VCF1: variants seen among roughly 807,000 people sequenced by gnomAD.
VCF1 encodes the protein VCP nuclear cofactor family member 1, also known as protein VCF1.
the VCF1 span, chr17:73,208,291 C>CTT: frequency 6.2e-7 from 1 of 1,612,646 alleles, no homozygotes; most frequent in Non-Finnish European, 8.5e-7. Context: ...CTCTAAGGCA[C>CTT]TTTTCTCTAC....
chr17:73,209,162 G>T, the VCF1 span: 1 of 227,336 alleles, frequency 4.4e-6, no homozygotes, highest in Non-Finnish European at 8.6e-6. Flanking sequence ...TGAAGATCCC[G>T]CATTTTTAAA....
At chr17:73,212,177 A>G in the VCF1 span, among the ~76,000 whole-genome samples, 2 of 152,230 alleles carry the variant, frequency 1.3e-5, no homozygotes, top group African/African-American at 2.4e-5. Context: ...TAAATTAAAC[A>G]AAATGCTGTT....
At chr17:73,214,516 T>C in the VCF1 span, among the ~76,000 whole-genome samples, 1 of 152,202 alleles carries the variant, frequency 6.6e-6, no homozygotes, top group Non-Finnish European at 1.5e-5. Flanking sequence ...CTTTATGGGA[T>C]AAAGGAAAGA....
the VCF1 span, among the ~76,000 whole-genome samples, chr17:73,211,466 G>A: frequency 1.1e-4 from 17 of 151,992 alleles, no homozygotes; most frequent in African/African-American, 3.9e-4. Flanking sequence ...CTACTAGGGA[G>A]GCCGAGGCAG....
the VCF1 span, chr17:73,227,552 G>A: frequency 1.2e-6 from 1 of 825,378 alleles, no homozygotes; most frequent in Non-Finnish European, 1.5e-6. Context: ...AGAACAGGAA[G>A]AGGTTAATGA....
the VCF1 span, among the ~76,000 whole-genome samples, chr17:73,214,102 G>A: frequency 6.6e-6 from 1 of 152,170 alleles, no homozygotes; most frequent in Non-Finnish European, 1.5e-5. Flanking sequence ...AACTACCTCA[G>A]AACTTCTAAA....
At chr17:73,218,235 T>G in the VCF1 span, among the ~76,000 whole-genome samples, 1 of 152,208 alleles carries the variant, frequency 6.6e-6, no homozygotes, top group African/African-American at 2.4e-5. Flanking sequence ...GCTTCCAAAG[T>G]GTCCAATAAT....
the VCF1 span, chr17:73,207,413 T>TC: frequency 1.3e-6 from 1 of 784,178 alleles, no homozygotes; most frequent in Non-Finnish European, 2.2e-6. Context: ...GTACAAGGTT[T>TC]TACTAGCTTG....
the VCF1 span, chr17:73,227,129 A>T: frequency 7.4e-4 from 1,040 of 1,399,966 alleles, 4 homozygotes; most frequent in African/African-American, 0.014. Context: ...TAACTCAAGC[A>T]GTGAAAACAA....
the VCF1 span, among the ~76,000 whole-genome samples, chr17:73,231,788 G>A: frequency 6.6e-6 from 1 of 151,700 alleles, no homozygotes; most frequent in African/African-American, 2.4e-5. Flanking sequence ...GAAAGCTTTA[G>A]GGCCACCGTC....
the VCF1 span, among the ~76,000 whole-genome samples, chr17:73,214,253 T>G: frequency 6.6e-6 from 1 of 150,582 alleles, no homozygotes; most frequent in Non-Finnish European, 1.5e-5. Context: ...AATCTATAGA[T>G]GGACCAGGAT....
At chr17:73,208,764 G>C in the VCF1 span, 2 of 413,434 alleles carry the variant, frequency 4.8e-6, no homozygotes, top group Non-Finnish European at 9.1e-6. Context: ...CAAGTTTGTA[G>C]GACAAAAAGT....
At chr17:73,227,285 GAAAAA>G in the VCF1 span, 1 of 1,269,866 alleles carries the variant, frequency 7.9e-7, no homozygotes, top group Non-Finnish European at 1.1e-6. Context: ...ATCACAAGGA[GAAAAA>G]AAAAAAAACC....
the VCF1 span, among the ~76,000 whole-genome samples, chr17:73,218,392 ATACCTTTGT>A: frequency 6.6e-6 from 1 of 152,232 alleles, no homozygotes; most frequent in Non-Finnish European, 1.5e-5. Flanking sequence ...CATCCTTTCT[ATACCTTTGT>A]TACCCTTATA....
chr17:73,208,352 A>G, the VCF1 span: 11 of 1,614,156 alleles, frequency 6.8e-6, no homozygotes, highest in African/African-American at 8.0e-5. Flanking sequence ...GTGACCCGAC[A>G]GTTCCTGGCT....
the VCF1 span, among the ~76,000 whole-genome samples, chr17:73,225,007 CAG>C: frequency 6.3e-3 from 304 of 47,968 alleles, 1 homozygote; most frequent in Middle Eastern, 0.028. Context: ...CAGGACAGGA[CAG>C]CATAGGATAG....
At chr17:73,223,366 A>T in the VCF1 span, among the ~76,000 whole-genome samples, 1 of 152,224 alleles carries the variant, frequency 6.6e-6, no homozygotes, top group Non-Finnish European at 1.5e-5. Context: ...GAAGCCATTT[A>T]TGCACACATT....
At chr17:73,208,394 C>A in the VCF1 span, 2 of 1,614,118 alleles carry the variant, frequency 1.2e-6, no homozygotes, top group East Asian at 4.5e-5. Context: ...GTGAAGAAGA[C>A]AACACGTCTG....
At chr17:73,219,242 T>A in the VCF1 span, among the ~76,000 whole-genome samples, 1 of 149,754 alleles carries the variant, frequency 6.7e-6, no homozygotes, top group Admixed American at 6.7e-5. Context: ...TAGCTTAGTA[T>A]GCTGTGAATT....
Sources: gnomAD v4.1 joint callset for allele counts (sites outside exome capture counted in the v4.1 genomes callset) on GRCh38, gnomAD v4.1.1 for gene constraint, MANE v1.5 for transcripts, NCBI Gene and HGNC (gene_info 2026-07-23, HGNC 2026-07-21) for gene names.